The following NINJ2 variants were observed in gnomAD, a reference collection of about 807,000 sequenced individuals.
The protein encoded by NINJ2 is ninjurin-2.
NINJ2 carries 12 observed loss-of-function variants against 11.7 expected under a neutral mutation model. That is an observed-to-expected ratio of 1.02 (90% CI 0.66 to 1.66). The LOEUF is 1.66. NINJ2 is among the 40% of genes most tolerant of loss of function. The pLI is 0.00. For synonymous variants in NINJ2, 93 were observed against 76.8 expected, an observed-to-expected ratio of 1.21 and a Z score of -1.10; for missense variants, 187 against 181.8, an observed-to-expected ratio of 1.03 and a Z score of -0.16.
In NINJ2 at chr12:614,173, G is replaced by A. The variant is rs760703170; in HGVS notation, c.34-47995C>T. ...CCTCCTAAAGAAGACCATCCTTAGCGATGGTTGCTGCCTTGACTTTCCAGC... is the reference window on the plus strand; with the variant it reads ...CCTCCTAAAGAAGACCATCCTTAGCAATGGTTGCTGCCTTGACTTTCCAGC... On this transcript the variant is annotated intron_variant, in intron 1 of 3. Coordinates refer to ENST00000305108, the MANE Select transcript of NINJ2 (RefSeq NM_016533.6). The surrounding 1 kb of genome is among the most constrained non-coding windows in gnomAD (Gnocchi z 5.1). Among the ~76,000 whole-genome samples the A allele has an allele frequency of 4.6e-5, 7 of 152,192 alleles. No individual in the cohort carries two copies. In the East Asian group the frequency reaches 5.8e-4, roughly 13 times the overall value.
chr12:649,137 C>T (rs991768950), intron 1 of NINJ2, among the ~76,000 whole-genome samples: 1 of 151,974 alleles, frequency 6.6e-6, no homozygotes, highest in African/African-American at 2.4e-5. Flanking sequence ...ACCTCCGCCT[C>T]CCGGGTTCAA....
In NINJ2 at chr12:583,236, T is replaced by A. The variant is rs185902193; in HGVS notation, c.34-17058A>T. ...AGGCATGCTAGTGTGAATGAATGAATGGGCGCAGGCAGGCAGGCATGCTAG... is the reference window on the plus strand; with the variant it reads ...AGGCATGCTAGTGTGAATGAATGAAAGGGCGCAGGCAGGCAGGCATGCTAG... On this transcript the variant is annotated intron_variant, in intron 1 of 3. Coordinates refer to ENST00000305108, the MANE Select transcript of NINJ2 (RefSeq NM_016533.6). Among the ~76,000 whole-genome samples the A allele has an allele frequency of 3.9e-3, 586 of 151,896 alleles. 26 individuals are homozygous for A. In the East Asian group the frequency reaches 0.096, roughly 25 times the overall value.
intron 1 of NINJ2, among the ~76,000 whole-genome samples, chr12:612,266 G>T (rs1948041938): frequency 6.6e-6 from 1 of 152,262 alleles, no homozygotes; most frequent in East Asian, 1.9e-4. Context: ...TTATTATTTG[G>T]CGTCTTGCGT....
chr12:572,632 T>C (rs1279891486), intron 1 of NINJ2, among the ~76,000 whole-genome samples: 1 of 152,212 alleles, frequency 6.6e-6, no homozygotes, highest in Non-Finnish European at 1.5e-5. Context: ...ACTGGAACGA[T>C]GGTGGTTCCC....
intron 1 of NINJ2, among the ~76,000 whole-genome samples, chr12:624,654 A>G (rs957812878): frequency 6.6e-6 from 1 of 151,984 alleles, no homozygotes; most frequent in Non-Finnish European, 1.5e-5. Context: ...CTAAAAATAC[A>G]AACAATTAGC....
At chr12:649,531 GTATATA>G (rs58255301) in intron 1 of NINJ2, among the ~76,000 whole-genome samples, 52 of 127,696 alleles carry the variant, frequency 4.1e-4, no homozygotes, top group Non-Finnish European at 7.0e-4. Flanking sequence ...GTGTATATGT[GTATATA>G]TATATATATA....
intron 1 of NINJ2, among the ~76,000 whole-genome samples, chr12:598,021 C>T (rs1219319697): frequency 1.3e-5 from 2 of 152,220 alleles, no homozygotes; most frequent in Non-Finnish European, 2.9e-5. Flanking sequence ...AGGAGGTCCC[C>T]TGCGGAGAAA....
At chr12:622,363 T>C (rs1948162820) in intron 1 of NINJ2, among the ~76,000 whole-genome samples, 2 of 119,224 alleles carry the variant, frequency 1.7e-5, no homozygotes, top group African/African-American at 3.3e-5. Context: ...TGAGCTGAGA[T>C]CACGCCACTG....
chr12:653,966 A>C (rs994501209), intron 1 of NINJ2, among the ~76,000 whole-genome samples: 1 of 152,162 alleles, frequency 6.6e-6, no homozygotes, highest in African/African-American at 2.4e-5. Context: ...AGGAGGCTGA[A>C]ATGGGAAAAT....
intron 1 of NINJ2, chr12:610,520 G>A: frequency 6.7e-7 from 1 of 1,498,586 alleles, no homozygotes; most frequent in Non-Finnish European, 8.9e-7. Context: ...ACAGCGGCCA[G>A]CCCAGGGCCC....
intron 1 of NINJ2, among the ~76,000 whole-genome samples, chr12:577,435 A>ATATATG (rs1592072991): frequency 1.4e-5 from 2 of 140,386 alleles, no homozygotes; most frequent in Admixed American, 7.4e-5. Context: ...ATATACATAT[A>ATATATG]TATATATAAA....
At chr12:613,859 C>A (rs892722838) in intron 1 of NINJ2, among the ~76,000 whole-genome samples, 5 of 152,006 alleles carry the variant, frequency 3.3e-5, no homozygotes, top group South Asian at 2.1e-4. Context: ...GAGCCGAGAT[C>A]GCGCCACTGC....
At chr12:572,067 G>A (rs992432033) in intron 1 of NINJ2, among the ~76,000 whole-genome samples, 1 of 152,270 alleles carries the variant, frequency 6.6e-6, no homozygotes, top group Non-Finnish European at 1.5e-5. Flanking sequence ...TAATGAGTGA[G>A]CAATCCGGGC....
chr12:606,885 A>T (rs2607917), intron 1 of NINJ2, among the ~76,000 whole-genome samples: 1 of 151,826 alleles, frequency 6.6e-6, no homozygotes, highest in African/African-American at 2.4e-5. Context: ...GTGGAGCAAA[A>T]GAAGGGAGGG....
At chr12:598,316 G>C (rs1189142537) in intron 1 of NINJ2, among the ~76,000 whole-genome samples, 4 of 152,254 alleles carry the variant, frequency 2.6e-5, no homozygotes, top group Non-Finnish European at 5.9e-5. Flanking sequence ...TCAGCAGGTA[G>C]CTGTGTCCAC....
chr12:618,169 G>A (rs79984117), intron 1 of NINJ2, among the ~76,000 whole-genome samples: 21,304 of 148,716 alleles, frequency 0.14, 1,947 homozygotes, highest in South Asian at 0.25. Flanking sequence ...GCCAAAGTGC[G>A]GCTGCAGTAT....
At position 636,371 on chromosome 12, in the gene NINJ2, C is replaced by T. The variant is rs935433602; in HGVS notation, c.33+26957G>A. Among the ~76,000 whole-genome samples, 5 of 142,806 alleles carry T rather than the reference C, an allele frequency of 3.5e-5. No homozygotes were observed. The East Asian group carries it at 6.1e-4, about 18-fold the overall frequency. 93.7% of individuals were successfully genotyped at this position (142,806 alleles called of 152,430 possible). A position where few individuals can be genotyped will look rare whatever the true frequency, so the allele number is the denominator to read the frequency against. On this transcript the variant is annotated intron_variant, in intron 1 of 3. Transcript: ENST00000305108. ...AGCCTGGGCAACAAGAGCAAAACTC[C>T]ATCTCAAATAAATAAATAAATAAAT...
chr12:568,883 C>A (rs1167304544), intron 1 of NINJ2, among the ~76,000 whole-genome samples: 2 of 123,250 alleles, frequency 1.6e-5, no homozygotes, highest in Middle Eastern at 3.6e-3. Context: ...GACACCCCCC[C>A]CCCCCCGCCC....
At position 568,247 on chromosome 12, in the gene NINJ2, A is replaced by G. The variant is rs577403660; in HGVS notation, c.34-2069T>C. Among the ~76,000 whole-genome samples the G allele has an allele frequency of 1.5e-4, 23 of 152,344 alleles. No homozygotes were observed. The South Asian group carries it at 3.5e-3, about 23-fold the overall frequency. On this transcript the variant is annotated intron_variant, in intron 1 of 3. Transcript: ENST00000305108. ...ATAGAAGTTTAATTTTCTTATCCTAAAATATGGTCTTGGGCACTCGTCTTT... is the reference window on the plus strand; with the variant it reads ...ATAGAAGTTTAATTTTCTTATCCTAGAATATGGTCTTGGGCACTCGTCTTT...
Sources: gnomAD v4.1 joint callset for allele counts (sites outside exome capture counted in the v4.1 genomes callset) on GRCh38, gnomAD v4.1.1 for gene constraint, Gnocchi (gnomAD v3.1) non-coding constraint, MANE v1.5 for transcripts, NCBI Gene and HGNC (gene_info 2026-07-23, HGNC 2026-07-21) for gene names.